Variants in SRGAP1 observed in about 807,000 individuals in gnomAD.
The protein encoded by SRGAP1 is SLIT-ROBO Rho GTPase-activating protein 1.
Under a neutral mutation model 121.9 loss-of-function variants are expected in SRGAP1, and 43 were observed. The ratio of observed to expected loss-of-function variants is 0.35; its 90% CI spans 0.28 to 0.46. The LOEUF (loss-of-function observed/expected upper bound fraction) is 0.46, where lower values mean the gene tolerates loss of function less well. Among genes scored for constraint, SRGAP1 ranks in the 20% least tolerant of loss-of-function variants. SRGAP1 has a pLI of 1.00. For missense variants in SRGAP1, 1,102 were observed against 1,350.9 expected, an observed-to-expected ratio of 0.82 and a Z score of 2.89; for synonymous variants, 447 against 485.4, an observed-to-expected ratio of 0.92 and a Z score of 1.04.
At chr12:63,872,171 G>C in intron 1 of SRGAP1, 1 of 336,046 alleles carries the variant, frequency 3.0e-6, no homozygotes. Flanking sequence ...TGTTTCATGA[G>C]AGCACCTGTT....
intron 1 of SRGAP1, among the ~76,000 whole-genome samples, chr12:63,862,244 A>G (rs867922954): frequency 5.9e-5 from 9 of 152,268 alleles, no homozygotes; most frequent in African/African-American, 1.9e-4. Context: ...TAGTAGTTTA[A>G]GGAAAATTAT....
intron 4 of SRGAP1, among the ~76,000 whole-genome samples, chr12:64,032,030 G>A (rs1212464546): frequency 3.3e-5 from 5 of 152,162 alleles, no homozygotes; most frequent in African/African-American, 1.2e-4. Flanking sequence ...ATATGCTATG[G>A]TGTTGCAGGA....
chr12:63,971,033 C>T, intron 1 of SRGAP1, among the ~76,000 whole-genome samples: 1 of 152,156 alleles, frequency 6.6e-6, no homozygotes, highest in East Asian at 1.9e-4. Context: ...ACAAAGCAAA[C>T]TGCCATGCTT....
intron 1 of SRGAP1, among the ~76,000 whole-genome samples, chr12:63,934,821 T>C (rs1336284433): frequency 6.6e-6 from 1 of 152,214 alleles, no homozygotes; most frequent in Admixed American, 6.5e-5. Flanking sequence ...CATATTTTCA[T>C]TGATTTCCTG....
chr12:63,858,583 T>G (rs964656067), intron 1 of SRGAP1, among the ~76,000 whole-genome samples: 3 of 152,214 alleles, frequency 2.0e-5, no homozygotes, highest in African/African-American at 7.2e-5. Flanking sequence ...TAGAACTGTT[T>G]ATCTGAGTCT....
intron 21 of SRGAP1, among the ~76,000 whole-genome samples, chr12:64,136,340 C>T (rs951173549): frequency 6.6e-6 from 1 of 152,046 alleles, no homozygotes; most frequent in African/African-American, 2.4e-5. Flanking sequence ...GCACTCCAGC[C>T]AGGGTGACAG....
chr12:64,033,620 A>G (rs908714234), intron 4 of SRGAP1, among the ~76,000 whole-genome samples: 1 of 152,170 alleles, frequency 6.6e-6, no homozygotes, highest in African/African-American at 2.4e-5. Flanking sequence ...CTGGGGGCTG[A>G]GGCAGGAGAA....
At chr12:63,913,280 T>G (rs1453996099) in intron 1 of SRGAP1, among the ~76,000 whole-genome samples, 1 of 132,352 alleles carries the variant, frequency 7.6e-6, no homozygotes, top group Non-Finnish European at 1.6e-5. Flanking sequence ...CACCTCAGCC[T>G]CCTGGGTAGC....
At chr12:64,134,780 T>C (rs1338712239) in intron 21 of SRGAP1, among the ~76,000 whole-genome samples, 1 of 152,224 alleles carries the variant, frequency 6.6e-6, no homozygotes, top group East Asian at 1.9e-4. Context: ...TCTACCATTA[T>C]CCCACACCAT....
intron 1 of SRGAP1, among the ~76,000 whole-genome samples, chr12:63,943,754 A>T (rs1185138711): frequency 6.6e-6 from 1 of 152,198 alleles, no homozygotes; most frequent in Non-Finnish European, 1.5e-5. Flanking sequence ...GCCATGGGGT[A>T]TACAGATCTG....
chr12:63,942,353 T>C (rs73115814), intron 1 of SRGAP1, among the ~76,000 whole-genome samples: 5,709 of 152,356 alleles, frequency 0.037, 116 homozygotes, highest in Non-Finnish European at 0.048. Flanking sequence ...TAATGACATA[T>C]ACAATATGTC....
Position 63,959,547 on chromosome 12 carries a change from G to A in SRGAP1, c.68-24400G>A, listed in dbSNP as rs532577629. Among the ~76,000 whole-genome samples, 3 of 152,138 alleles carry A rather than the reference G, an allele frequency of 2.0e-5. No homozygotes were observed. In the South Asian group the frequency reaches 6.2e-4, roughly 32 times the overall value. ...TATTTTGTGAGGATTTGCTGATAAC[G>A]TTTCTTTCCAGATTTGAAATCCCTA... On this transcript the variant is annotated intron_variant, in intron 1 of 21. Transcript: ENST00000355086.
At chr12:64,125,407 T>C (rs2036671457) in intron 18 of SRGAP1, among the ~76,000 whole-genome samples, 1 of 152,292 alleles carries the variant, frequency 6.6e-6, no homozygotes, top group Admixed American at 6.5e-5. Flanking sequence ...ACCGTCAGTG[T>C]TAGTTTGAAG....
At chr12:63,920,013 T>C (rs1592946775) in intron 1 of SRGAP1, among the ~76,000 whole-genome samples, 1 of 152,316 alleles carries the variant, frequency 6.6e-6, no homozygotes, top group East Asian at 1.9e-4. Context: ...CCATGGCCTA[T>C]TGCTGGGAGT....
At chr12:64,127,557 T>C (rs2036712509) in intron 19 of SRGAP1, 33 bp from the exon 20 acceptor site, 4 of 1,565,004 alleles carry the variant, frequency 2.6e-6, no homozygotes, top group Non-Finnish European at 3.5e-6. Flanking sequence ...GTAAATCTAG[T>C]AAATTTTGTC....
chr12:63,855,473 GTTT>G (rs781701925), intron 1 of SRGAP1, among the ~76,000 whole-genome samples: 719 of 52,734 alleles, frequency 0.014, 4 homozygotes, highest in African/African-American at 0.028. Context: ...GAAAAATGGT[GTTT>G]TTTTTTTTTT....
intron 1 of SRGAP1, among the ~76,000 whole-genome samples, chr12:63,925,570 T>G (rs1337126542): frequency 1.3e-5 from 2 of 152,214 alleles, no homozygotes; most frequent in Non-Finnish European, 2.9e-5. Context: ...AGTGTTAACA[T>G]TTATTGAGAA....
chr12:64,007,461 GGCTCACCCACC>G (rs778187289), intron 3 of SRGAP1, among the ~76,000 whole-genome samples: 20 of 152,218 alleles, frequency 1.3e-4, no homozygotes, highest in Non-Finnish European at 2.2e-4. Context: ...TTATAATGGT[GGCTCACCCACC>G]GCTCAGCCAC....
intron 21 of SRGAP1, among the ~76,000 whole-genome samples, chr12:64,140,120 T>C (rs1433483220): frequency 6.8e-6 from 1 of 146,092 alleles, no homozygotes; most frequent in Non-Finnish European, 1.5e-5. Context: ...TTGGTACCAG[T>C]ACCATGCTGT....
Sources: allele counts gnomAD v4.1 joint callset (sites outside exome capture counted in the v4.1 genomes callset), GRCh38; gene constraint gnomAD v4.1.1; transcripts MANE v1.5; gene names NCBI Gene and HGNC (gene_info 2026-07-23, HGNC 2026-07-21).